The following UTRN variants were observed in gnomAD, a reference collection of about 807,000 sequenced individuals.
UTRN encodes the protein dystrophin-related protein 1.
Under a neutral mutation model 463.9 loss-of-function variants are expected in UTRN, and 283 were observed. That is an observed-to-expected ratio of 0.61 (90% confidence interval 0.55 to 0.67). The LOEUF (loss-of-function observed/expected upper bound fraction) is 0.67, where lower values mean the gene tolerates loss of function less well. Among genes scored for constraint, UTRN ranks in the 30% least tolerant of loss-of-function variants. UTRN has a pLI of 0.00. For missense variants in UTRN, 3,922 were observed against 4,084.3 expected (o/e 0.96, Z 1.08); for synonymous variants, 1,442 against 1,431.5 (o/e 1.01, Z -0.17).
intron 74 of UTRN, among the ~76,000 whole-genome samples, chr6:144,849,695 T>G (rs1782323589): frequency 1.3e-5 from 2 of 152,178 alleles, no homozygotes. Context: ...TGGGCTAATA[T>G]TTACATAGCA....
At chr6:144,735,087 G>T (rs1285025021) in intron 54 of UTRN, among the ~76,000 whole-genome samples, 7 of 152,210 alleles carry the variant, frequency 4.6e-5, no homozygotes. Context: ...GGATAAAGAA[G>T]TATAACGCAT....
intron 2 of UTRN, among the ~76,000 whole-genome samples, chr6:144,394,766 A>G (rs1386734209): frequency 2.0e-5 from 3 of 152,050 alleles, no homozygotes; most frequent in Admixed American, 6.6e-5. Flanking sequence ...TGGATATTAT[A>G]TTGTTTTATT....
intron 51 of UTRN, among the ~76,000 whole-genome samples, chr6:144,597,578 C>T (rs1803788081): frequency 6.6e-6 from 1 of 152,160 alleles, no homozygotes; most frequent in African/African-American, 2.4e-5. Flanking sequence ...TTTGTTGAGA[C>T]AGGCATGGGG....
intron 47 of UTRN, among the ~76,000 whole-genome samples, chr6:144,549,544 A>C (rs1441592320): frequency 6.6e-6 from 1 of 152,198 alleles, no homozygotes; most frequent in Non-Finnish European, 1.5e-5. Context: ...ATAAGTCCAC[A>C]CCGAGGCAGA....
intron 52 of UTRN, among the ~76,000 whole-genome samples, chr6:144,682,300 T>G (rs1236097185): frequency 6.6e-6 from 1 of 152,212 alleles, no homozygotes; most frequent in Non-Finnish European, 1.5e-5. Context: ...TGATCTCCCC[T>G]TCCATCCACA....
intron 58 of UTRN, among the ~76,000 whole-genome samples, chr6:144,768,967 T>A (rs1338586958): frequency 1.3e-5 from 2 of 151,144 alleles, no homozygotes; most frequent in African/African-American, 2.4e-5. Flanking sequence ...TGTTTTTTTT[T>A]TTTTAATTTT....
chr6:144,548,758 A>G lies in UTRN; in HGVS notation c.6714A>G (p.Leu2238=), dbSNP rs1030926485. ...PADLDKTITE[L]ADWLVLIDQM... ...ATCTTGATAAAACTATAACAGAACT[A>G]GCCGACTGGCTGGTATTAATCGACC... is the stretch of plus-strand genomic sequence containing the variant. Residue 2238 remains leucine (L), a synonymous_variant, in exon 47 of 75, where the codon CTA becomes CTG. Coordinates refer to ENST00000367545, the MANE Select transcript of UTRN (RefSeq NM_007124.3). 8.7e-6 allele frequency: 14 copies of G among 1,614,112 alleles called. No individual in the cohort carries two copies. The highest frequency in any genetic ancestry group is 1.2e-5 in the Non-Finnish European group (14 of 1,179,972).
chr6:144,704,359 T>A (rs1372495193), intron 53 of UTRN, among the ~76,000 whole-genome samples: 1 of 152,190 alleles, frequency 6.6e-6, no homozygotes, highest in African/African-American at 2.4e-5. Context: ...AGAACTAATA[T>A]TTTAGTGTAT....
At chr6:144,837,506 C>G (rs1415196872) in intron 71 of UTRN, among the ~76,000 whole-genome samples, 1 of 152,218 alleles carries the variant, frequency 6.6e-6, no homozygotes, top group Non-Finnish European at 1.5e-5. Flanking sequence ...AAGAGCTCCT[C>G]TCTCTTGAAG....
At chr6:144,397,869 G>A (rs1782585724) in intron 2 of UTRN, 1 of 153,114 alleles carries the variant, frequency 6.5e-6, no homozygotes, top group Non-Finnish European at 1.5e-5. Flanking sequence ...GGTGGGTGAT[G>A]CTGGACAATT....
chr6:144,534,918 G>A (rs546347008), intron 43 of UTRN, among the ~76,000 whole-genome samples: 1 of 152,178 alleles, frequency 6.6e-6, no homozygotes, highest in Non-Finnish European at 1.5e-5. Flanking sequence ...GCAGAGGTGG[G>A]AGGCATAAAT....
intron 52 of UTRN, among the ~76,000 whole-genome samples, chr6:144,688,987 A>G (rs558508946): frequency 6.6e-6 from 1 of 152,246 alleles, no homozygotes; most frequent in Non-Finnish European, 1.5e-5. Flanking sequence ...TTTCAGGGAA[A>G]AGGGAGGAAG....
At chr6:144,686,416 A>G (rs527293663) in intron 52 of UTRN, among the ~76,000 whole-genome samples, 3 of 152,166 alleles carry the variant, frequency 2.0e-5, no homozygotes, top group African/African-American at 7.2e-5. Flanking sequence ...CTTGTTCTAG[A>G]GTGTAGTTTA....
At chr6:144,638,474 G>T (rs370695439) in intron 51 of UTRN, among the ~76,000 whole-genome samples, 1 of 152,146 alleles carries the variant, frequency 6.6e-6, no homozygotes, top group East Asian at 1.9e-4. Flanking sequence ...TTTAAATAGG[G>T]ATTCACAGGT....
intron 64 of UTRN, among the ~76,000 whole-genome samples, 200 bp downstream of exon 64, chr6:144,798,190 A>G (rs956308059): frequency 2.0e-5 from 3 of 152,138 alleles, no homozygotes; most frequent in Non-Finnish European, 2.9e-5. Flanking sequence ...TATTGTTGCT[A>G]TTATTATTGT....
intron 51 of UTRN, among the ~76,000 whole-genome samples, chr6:144,603,591 G>A (rs996088390): frequency 1.3e-5 from 2 of 152,118 alleles, no homozygotes; most frequent in Non-Finnish European, 2.9e-5. Flanking sequence ...ACATCTCTTT[G>A]ATGTTAAGAA....
At chr6:144,616,534 GTTT>G (rs34068161) in intron 51 of UTRN, among the ~76,000 whole-genome samples, 1 of 137,382 alleles carries the variant, frequency 7.3e-6, no homozygotes, top group Non-Finnish European at 1.6e-5. Flanking sequence ...TTGTCTGATA[GTTT>G]TTTTTTTTTT....
chr6:144,326,689 A>G (rs1775993467), intron 2 of UTRN, among the ~76,000 whole-genome samples: 1 of 152,132 alleles, frequency 6.6e-6, no homozygotes, highest in Admixed American at 6.5e-5. Flanking sequence ...TGGCTGATAC[A>G]CCACTTTTAA....
chr6:144,735,923 A>G (rs970219396), intron 54 of UTRN, among the ~76,000 whole-genome samples: 1 of 152,230 alleles, frequency 6.6e-6, no homozygotes, highest in African/African-American at 2.4e-5. Flanking sequence ...ACAGAAAAAA[A>G]AAATACTGGT....
Sources: gnomAD v4.1 joint callset for allele counts (sites outside exome capture counted in the v4.1 genomes callset) on GRCh38, gnomAD v4.1.1 for gene constraint, MANE v1.5 for transcripts, NCBI Gene and HGNC (gene_info 2026-07-23, HGNC 2026-07-21) for gene names.